Variants in ARHGEF38 observed in about 807,000 individuals in gnomAD.
ARHGEF38 encodes the protein Rho guanine nucleotide exchange factor (GEF) 38.
A neutral mutation model predicts 79.9 loss-of-function variants in ARHGEF38; 79 were observed. The observed-to-expected ratio is 0.99, with a 90% CI of 0.82 to 1.19. The LOEUF (loss-of-function observed/expected upper bound fraction) is 1.19, where lower values mean the gene tolerates loss of function less well. ARHGEF38 is among the 50% of genes most tolerant of loss of function. ARHGEF38 has a pLI of 0.00. For synonymous variants in ARHGEF38, 366 were observed against 328.3 expected (o/e 1.11, Z -1.24); for missense variants, 962 against 907.2 (o/e 1.06, Z -0.78).
At chr4:105,655,533 AC>A in intron 8 of ARHGEF38, 69 bp from the exon 9 acceptor site, 2 of 1,468,848 alleles carry the variant, frequency 1.4e-6, no homozygotes, top group Middle Eastern at 1.7e-4. Flanking sequence ...GATGAAGTCC[AC>A]ATTTGGGATA....
At chr4:105,638,707 C>T (rs1436077724) in intron 5 of ARHGEF38, among the ~76,000 whole-genome samples, 2 of 145,594 alleles carry the variant, frequency 1.4e-5, no homozygotes, top group Non-Finnish European at 3.0e-5. Context: ...GAACACTATA[C>T]GTTTCTTGTA....
chr4:105,573,906 G>T (rs1726357591), intron 1 of ARHGEF38, among the ~76,000 whole-genome samples: 1 of 151,850 alleles, frequency 6.6e-6, no homozygotes, highest in East Asian at 1.9e-4. Context: ...ATATTTTGTA[G>T]TTTTCATTGT....
chr4:105,645,083 A>G, intron 5 of ARHGEF38, 105 bp from the exon 6 acceptor site: 1 of 925,160 alleles, frequency 1.1e-6, no homozygotes, highest in Non-Finnish European at 1.4e-6. Context: ...ATACAAATGA[A>G]AAAAAGAGAA....
chr4:105,651,332 T>C (rs1730095924), intron 7 of ARHGEF38, among the ~76,000 whole-genome samples: 1 of 152,218 alleles, frequency 6.6e-6, no homozygotes, highest in Non-Finnish European at 1.5e-5. Flanking sequence ...TCAATCAATT[T>C]TGCACTTGTC....
intron 5 of ARHGEF38, among the ~76,000 whole-genome samples, chr4:105,639,337 AG>A (rs1729527100): frequency 1.3e-5 from 2 of 151,974 alleles, no homozygotes; most frequent in South Asian, 4.1e-4. Context: ...CTTTTAACAC[AG>A]TTTATGGCTG....
At chr4:105,603,562 C>T (rs1040327615) in intron 2 of ARHGEF38, among the ~76,000 whole-genome samples, 16 of 152,160 alleles carry the variant, frequency 1.1e-4, no homozygotes, top group Admixed American at 7.2e-4. Flanking sequence ...TTGAAAGCCA[C>T]TAGATCCAAT....
intron 1 of ARHGEF38, among the ~76,000 whole-genome samples, chr4:105,553,173 T>TTACTCTTAA (rs1725080839): frequency 6.6e-6 from 1 of 152,192 alleles, no homozygotes; most frequent in Non-Finnish European, 1.5e-5. Flanking sequence ...CAATTCCGAA[T>TTACTCTTAA]TACTCTTAAT....
chr4:105,672,427 C>T (rs1578368429), intron 13 of ARHGEF38, among the ~76,000 whole-genome samples: 1 of 152,186 alleles, frequency 6.6e-6, no homozygotes, highest in African/African-American at 2.4e-5. Context: ...TATTCACAAC[C>T]TGGCAGTACT....
At chr4:105,610,090 T>G (rs1285996660) in intron 2 of ARHGEF38, among the ~76,000 whole-genome samples, 1 of 152,068 alleles carries the variant, frequency 6.6e-6, no homozygotes, top group Non-Finnish European at 1.5e-5. Context: ...TATCATCCTC[T>G]GCAAACTAAC....
chr4:105,634,873 C>T (rs904728972), intron 4 of ARHGEF38, among the ~76,000 whole-genome samples: 12 of 152,152 alleles, frequency 7.9e-5, no homozygotes, highest in Non-Finnish European at 1.5e-4. Context: ...GCTCACATTA[C>T]TCCTGGAGCT....
In ARHGEF38 at chr4:105,667,073, C is replaced by T. The variant is rs1730777404; in HGVS notation, c.1690-56C>T. 6 of 1,374,594 alleles carry T rather than the reference C, an allele frequency of 4.4e-6. No individual in the cohort carries two copies. In the South Asian group the frequency reaches 8.7e-5, roughly 20 times the overall value. The allele number at this position is 1,374,594 out of a possible 1,614,324, so 85.1% of individuals were successfully genotyped here. On this transcript the variant is annotated intron_variant, in intron 11 of 13. Coordinates refer to ENST00000420470, the MANE Select transcript of ARHGEF38 (RefSeq NM_001242729.2). ...CCAGGGAAAAAATATTTACCAACTC[C>T]ATGAGGATTTTATTATGTATCTGTC... is the stretch of plus-strand genomic sequence containing the variant.
At position 105,677,733 on chromosome 4, in the gene ARHGEF38, C is replaced by T. The variant is rs752172077; in HGVS notation, c.2149-19C>T. ...ATTCAGGTTCCAATTCCAATAATGT[C>T]TTTTGTTTCTTTGTCTAGATTTTCT... On this transcript the variant is annotated intron_variant, in intron 13 of 13. Transcript: ENST00000420470. 2 of 1,398,734 alleles carry T rather than the reference C, an allele frequency of 1.4e-6. No homozygotes were observed. The highest frequency in any genetic ancestry group is 3.3e-5 in the South Asian group (2 of 60,256). 86.6% of individuals were successfully genotyped at this position (1,398,734 alleles called of 1,614,324 possible). A position where few individuals can be genotyped will look rare whatever the true frequency, so the allele number is the denominator to read the frequency against.
intron 1 of ARHGEF38, among the ~76,000 whole-genome samples, chr4:105,588,074 A>T (rs1215803132): frequency 1.4e-4 from 21 of 152,204 alleles, no homozygotes. Flanking sequence ...CAGTCTCTTG[A>T]CATCACACCA....
At chr4:105,656,726 C>G (rs1260980354) in intron 9 of ARHGEF38, among the ~76,000 whole-genome samples, 1 of 152,056 alleles carries the variant, frequency 6.6e-6, no homozygotes, top group Non-Finnish European at 1.5e-5. Flanking sequence ...ATGGAGTGGC[C>G]TTTTGGTGGA....
intron 1 of ARHGEF38, among the ~76,000 whole-genome samples, chr4:105,577,552 T>TTTG (rs535037729): frequency 1.5e-3 from 227 of 151,734 alleles, no homozygotes; most frequent in African/African-American, 4.6e-3. Flanking sequence ...GTCCTGGGTT[T>TTTG]TTGTTGTTGT....
Position 105,679,754 on chromosome 4 carries a change from G to T in ARHGEF38, c.*1817G>T. 3.4e-6 allele frequency: 3 copies of T among 892,944 alleles called. No individual in the cohort carries two copies. Among genetic ancestry groups the T allele is most frequent in the Non-Finnish European group, 5.6e-6 (3 of 531,086 alleles). The allele number at this position is 892,944 out of a possible 1,614,324, so 55.3% of individuals were successfully genotyped here. The stretch of plus-strand genomic sequence containing the variant: ...ACATGTCTTAGTTGACCTTTCTCTT[G>T]GTTGATAAAAACATATACAAACCCC... On this transcript the variant is annotated 3_prime_UTR_variant, in exon 14 of 14. Transcript: ENST00000420470.
chr4:105,626,961 A>C (rs1728973926), intron 3 of ARHGEF38, among the ~76,000 whole-genome samples: 1 of 151,756 alleles, frequency 6.6e-6, no homozygotes, highest in African/African-American at 2.4e-5. Flanking sequence ...ACTCACTCAG[A>C]GGTCCTATGT....
chr4:105,675,426 C>T (rs1012304583), intron 13 of ARHGEF38, among the ~76,000 whole-genome samples: 3 of 152,054 alleles, frequency 2.0e-5, no homozygotes, highest in South Asian at 2.1e-4. Flanking sequence ...TTTTAATTTT[C>T]TTCTTTACTT....
intron 1 of ARHGEF38, among the ~76,000 whole-genome samples, chr4:105,560,360 A>G (rs1725455989): frequency 6.6e-6 from 1 of 152,118 alleles, no homozygotes; most frequent in Non-Finnish European, 1.5e-5. Flanking sequence ...ATCTTTCTTT[A>G]ATTTTATGCC....
Sources: allele counts gnomAD v4.1 joint callset (sites outside exome capture counted in the v4.1 genomes callset), GRCh38; gene constraint gnomAD v4.1.1; transcripts MANE v1.5; gene names NCBI Gene and HGNC (gene_info 2026-07-23, HGNC 2026-07-21).